The following GLI3 variants were observed in gnomAD, a reference collection of about 807,000 sequenced individuals.
GLI3 encodes the protein GLI family zinc finger 3.
In GLI3, 20 loss-of-function variants were observed where a neutral mutation model predicts 100.8. The observed-to-expected ratio is 0.20, with a 90% CI of 0.14 to 0.29. The LOEUF (loss-of-function observed/expected upper bound fraction) is 0.29. Ranked by LOEUF, GLI3 falls within the 10% of genes least tolerant of loss-of-function variation. The pLI, the probability that GLI3 is intolerant of heterozygous loss-of-function variation, is 1.00. For missense variants in GLI3, 2,040 were observed against 2,128.5 expected (o/e 0.96, Z 0.82); for synonymous variants, 938 against 860.5 (o/e 1.09, Z -1.58).
chr7:42,108,101 T>C (rs951427691), intron 3 of GLI3, among the ~76,000 whole-genome samples: 17 of 152,310 alleles, frequency 1.1e-4, no homozygotes, highest in African/African-American at 3.8e-4. Flanking sequence ...CACAGAGCTG[T>C]GTGCACACAA....
chr7:42,041,035 T>C (rs1434148841), intron 6 of GLI3, among the ~76,000 whole-genome samples: 1 of 152,186 alleles, frequency 6.6e-6, no homozygotes, highest in Non-Finnish European at 1.5e-5. Flanking sequence ...TATAAGAGGA[T>C]AAATCCCAAG....
intron 2 of GLI3, among the ~76,000 whole-genome samples, chr7:42,170,887 T>A (rs1354026153): frequency 6.6e-6 from 1 of 152,240 alleles, no homozygotes; most frequent in Non-Finnish European, 1.5e-5. Flanking sequence ...TCATGCCCAG[T>A]TTAACCCTAA....
At chr7:42,235,750 G>A (rs941800682) in intron 1 of GLI3, among the ~76,000 whole-genome samples, 1 of 152,192 alleles carries the variant, frequency 6.6e-6, no homozygotes, top group African/African-American at 2.4e-5. Context: ...CCATACCTTT[G>A]ACTAAAGGGT....
At chr7:42,170,637 C>T (rs1430916698) in intron 2 of GLI3, among the ~76,000 whole-genome samples, 2 of 151,886 alleles carry the variant, frequency 1.3e-5, no homozygotes, top group Non-Finnish European at 2.9e-5. Flanking sequence ...CTCCTGACCT[C>T]GTGATCCACC....
At chr7:42,128,358 TA>T (rs1453127803) in intron 3 of GLI3, among the ~76,000 whole-genome samples, 3 of 151,072 alleles carry the variant, frequency 2.0e-5, no homozygotes, top group African/African-American at 4.9e-5. Context: ...TCCATTTGGT[TA>T]AAAAAAAATA....
At chr7:42,132,250 G>A (rs915027892) in intron 3 of GLI3, among the ~76,000 whole-genome samples, 34 of 151,544 alleles carry the variant, frequency 2.2e-4, no homozygotes, top group African/African-American at 6.5e-4. Flanking sequence ...ACAGGCGCCC[G>A]CCACTACGCC....
intron 10 of GLI3, among the ~76,000 whole-genome samples, chr7:41,998,876 G>C (rs976699956): frequency 6.6e-6 from 1 of 152,160 alleles, no homozygotes; most frequent in Non-Finnish European, 1.5e-5. Context: ...AAAAATATTA[G>C]TTTTCACCCC....
chr7:42,097,603 T>C (rs898363038), intron 3 of GLI3, among the ~76,000 whole-genome samples: 1 of 152,228 alleles, frequency 6.6e-6, no homozygotes, highest in Non-Finnish European at 1.5e-5. Flanking sequence ...CTCTTAGACA[T>C]TACTTGGCAA....
chr7:42,119,191 C>T (rs1488739614), intron 3 of GLI3, among the ~76,000 whole-genome samples: 2 of 152,212 alleles, frequency 1.3e-5, no homozygotes, highest in South Asian at 2.1e-4. Flanking sequence ...AAAAAGGGAT[C>T]TTGTCAATGA....
chr7:42,257,526 A>G (rs58727671), intron 1 of GLI3, among the ~76,000 whole-genome samples: 58,038 of 151,732 alleles, frequency 0.38, 11,776 homozygotes, highest in East Asian at 0.47. Flanking sequence ...TTGTATTTTT[A>G]GTAGAGATGG....
chr7:42,237,300 C>T (rs1228084076), upstream of GLI3, among the ~76,000 whole-genome samples: 2 of 151,876 alleles, frequency 1.3e-5, no homozygotes, highest in Non-Finnish European at 2.9e-5. Context: ...CCGATCCCTT[C>T]TGACTCACAA....
In GLI3 at chr7:42,108,821, A is replaced by C. The variant is rs550691016; in HGVS notation, c.368-31964T>G. On this transcript the variant is annotated intron_variant, in intron 3 of 14. Coordinates refer to ENST00000395925, the MANE Select transcript of GLI3 (RefSeq NM_000168.6). Reference sequence around the variant, plus strand: ...CCATGGGATTTCAGAGCTGGAAGGCATCTTTTTAAATTATCTATTTATCTA... The same window carrying C: ...CCATGGGATTTCAGAGCTGGAAGGCCTCTTTTTAAATTATCTATTTATCTA... 3.9e-5 allele frequency among the ~76,000 whole-genome samples: 6 copies of C among 152,314 alleles called. No homozygotes were observed. The South Asian group carries it at 1.2e-3, about 32-fold the overall frequency.
chr7:42,098,458 G>A (rs1261268648), intron 3 of GLI3, among the ~76,000 whole-genome samples: 1 of 152,062 alleles, frequency 6.6e-6, no homozygotes, highest in African/African-American at 2.4e-5. Flanking sequence ...TCTGTTTCAT[G>A]GGGCTCCTAT....
chr7:41,980,954 G>T (rs1035612804), intron 10 of GLI3, among the ~76,000 whole-genome samples: 1 of 152,156 alleles, frequency 6.6e-6, no homozygotes, highest in African/African-American at 2.4e-5. Flanking sequence ...GGAGATAACA[G>T]GGTTTTATAA....
intron 2 of GLI3, among the ~76,000 whole-genome samples, chr7:42,177,159 G>A (rs1263565624): frequency 2.6e-5 from 4 of 152,188 alleles, no homozygotes; most frequent in African/African-American, 4.8e-5. Flanking sequence ...CCATATTCTA[G>A]TAGGGGTGGG....
chr7:42,106,523 G>T (rs1482063835), intron 3 of GLI3, among the ~76,000 whole-genome samples: 1 of 152,320 alleles, frequency 6.6e-6, no homozygotes, highest in African/African-American at 2.4e-5. Context: ...TCCCTGGTGG[G>T]CTCTGTATTT....
chr7:42,118,929 T>C (rs150934158), intron 3 of GLI3, among the ~76,000 whole-genome samples: 348 of 152,288 alleles, frequency 2.3e-3, no homozygotes, highest in Non-Finnish European at 3.8e-3. Flanking sequence ...CCCAAAACTA[T>C]GAAGGGAAGA....
chr7:42,234,245 T>C (rs1181040558), intron 1 of GLI3, among the ~76,000 whole-genome samples: 1 of 152,222 alleles, frequency 6.6e-6, no homozygotes, highest in African/African-American at 2.4e-5. Context: ...ATCATTAAAT[T>C]GTTTCTTTTC....
At chr7:41,981,874 A>G (rs1217378611) in intron 10 of GLI3, among the ~76,000 whole-genome samples, 1 of 152,174 alleles carries the variant, frequency 6.6e-6, no homozygotes, top group East Asian at 1.9e-4. Flanking sequence ...ATCATTTCCT[A>G]TTTATACCGC....
Sources: gnomAD v4.1 joint callset for allele counts (sites outside exome capture counted in the v4.1 genomes callset) on GRCh38, gnomAD v4.1.1 for gene constraint, MANE v1.5 for transcripts, NCBI Gene and HGNC (gene_info 2026-07-23, HGNC 2026-07-21) for gene names.